DOP1A: variants seen among roughly 807,000 people sequenced by gnomAD.
The protein encoded by DOP1A is protein DOP1A.
A neutral mutation model predicts 267.6 loss-of-function variants in DOP1A; 90 were observed. The observed-to-expected ratio is 0.34, with a 90% confidence interval of 0.28 to 0.40. The LOEUF (loss-of-function observed/expected upper bound fraction) is 0.40. DOP1A is among the 10% of genes least tolerant of loss of function. DOP1A has a pLI of 1.00. For missense variants in DOP1A, 2,437 were observed against 2,900.4 expected (o/e 0.84, Z 3.67); for synonymous variants, 932 against 999.1 (o/e 0.93, Z 1.27).
At chr6:83,102,956 C>T (rs1309004098) in intron 4 of DOP1A, among the ~76,000 whole-genome samples, 1 of 152,144 alleles carries the variant, frequency 6.6e-6, no homozygotes, top group Non-Finnish European at 1.5e-5. Flanking sequence ...ATTCTCTTGC[C>T]CTGTAACTCT....
Position 83,166,558 on chromosome 6 carries a change from CA to C in DOP1A, c.7093-1295del, listed in dbSNP as rs368890859. ...AATATAAACAGCAATAAGTCATTAGCAAAAAAAAAGTGAGAAATATGCTTAA... is the reference window on the plus strand; with the variant it reads ...AATATAAACAGCAATAAGTCATTAGCAAAAAAAAGTGAGAAATATGCTTAA... On this transcript the variant is annotated intron_variant, in intron 38 of 38. Coordinates refer to ENST00000349129, the MANE Select transcript of DOP1A (RefSeq NM_015018.4). The C allele has an allele frequency of 0.017, 9,967 of 575,702 alleles. 327 individuals are homozygous for C. Among genetic ancestry groups the C allele is most frequent in the African/African-American group, 0.081 (4,260 of 52,592 alleles). 35.7% of individuals were successfully genotyped at this position (575,702 alleles called of 1,614,324 possible). A position where few individuals can be genotyped will look rare whatever the true frequency, so the allele number is the denominator to read the frequency against.
rs138786799 is a variant in DOP1A at position 83,167,930 on chromosome 6, C to T, written c.7161C>T (p.Ile2387=). ...AGCCAGGGCACTTGCTGCTCACCATCTGCACCGTGCGCAGTATGGAGCAGC... is the reference window on the plus strand; with the variant it reads ...AGCCAGGGCACTTGCTGCTCACCATTTGCACCGTGCGCAGTATGGAGCAGC... ...GWEPGHLLLT[I]CTVRSMEQLL... The change falls in exon 39 of 39, where the codon ATC becomes ATT. Residue 2387 remains isoleucine (I), a synonymous_variant. Coordinates refer to ENST00000349129, the MANE Select transcript of DOP1A (RefSeq NM_015018.4). 11 of 1,614,088 alleles carry T rather than the reference C, an allele frequency of 6.8e-6. No homozygotes were observed. Among genetic ancestry groups the T allele is most frequent in the African/African-American group, 6.7e-5 (5 of 74,944 alleles).
At position 83,153,955 on chromosome 6, in the gene DOP1A, C is replaced by T; in HGVS notation, c.6301C>T (p.Gln2101Ter). 6.2e-7 allele frequency: 1 copy of T among 1,613,996 alleles called. No individual in the cohort carries two copies. Among genetic ancestry groups the T allele is most frequent in the African/African-American group, 1.3e-5 (1 of 75,006 alleles). Reference protein sequence around the residue: ...VQLLSSLSGYQYTRRAWKKEA... With the variant: ...VQLLSSLSGY ...GCTGCTCAGCAGTCTTAGTGGGTAT[C>T]AGTACACACGGAGAGCTTGGAAAAA... The change falls in exon 32 of 39, where the codon CAG (glutamine) becomes TAG (stop). Residue 2101 changes from glutamine (Q) to a stop codon, truncating the protein, a stop_gained. Transcript: ENST00000349129. LOFTEE classifies it high-confidence loss of function.
intron 3 of DOP1A, among the ~76,000 whole-genome samples, chr6:83,098,003 C>T (rs1227353752): frequency 6.6e-6 from 1 of 151,952 alleles, no homozygotes; most frequent in African/African-American, 2.4e-5. Context: ...AGGGATCCTC[C>T]CACCTCAGCC....
chr6:83,146,071 A>G (rs1467708416), intron 25 of DOP1A, among the ~76,000 whole-genome samples: 4 of 152,220 alleles, frequency 2.6e-5, no homozygotes, highest in Non-Finnish European at 4.4e-5. Context: ...AAATTTTGCT[A>G]TAACCTTAGT....
intron 9 of DOP1A, among the ~76,000 whole-genome samples, chr6:83,120,334 G>A (rs575273596): frequency 6.6e-6 from 1 of 151,978 alleles, no homozygotes; most frequent in Non-Finnish European, 1.5e-5. Context: ...GAAAATAATT[G>A]CCTAATAGCA....
intron 27 of DOP1A, 120 bp from the exon 28 acceptor site, chr6:83,151,473 T>A (rs1781662844): frequency 1.6e-6 from 1 of 642,760 alleles, no homozygotes; most frequent in Non-Finnish European, 2.6e-6. Flanking sequence ...GTATATATAT[T>A]AAATATTTAA....
chr6:83,113,083 G>A (rs899748473), intron 6 of DOP1A, among the ~76,000 whole-genome samples: 5 of 152,082 alleles, frequency 3.3e-5, no homozygotes, highest in Non-Finnish European at 7.4e-5. Flanking sequence ...ATATTCACTA[G>A]TAAAACTGGT....
intron 28 of DOP1A, 73 bp from the exon 29 acceptor site, chr6:83,151,810 A>G: frequency 2.0e-6 from 3 of 1,485,118 alleles, no homozygotes; most frequent in Non-Finnish European, 2.8e-6. Context: ...ATTATCAGAA[A>G]TATAAACTAC....
chr6:83,139,959 T>G, intron 21 of DOP1A, 41 bp from the exon 22 acceptor site: 2 of 1,359,440 alleles, frequency 1.5e-6, no homozygotes, highest in Non-Finnish European at 2.1e-6. Flanking sequence ...TGAACTATAC[T>G]ATCATAAAAC....
At position 83,153,517 on chromosome 6, in the gene DOP1A, G is replaced by T. The variant is rs764700212; in HGVS notation, c.6136G>T (p.Ala2046Ser). Residue 2046 changes from alanine (A) to serine (S), a missense_variant, in exon 31 of 39, where the codon GCT (alanine) becomes TCT (serine). Physicochemically the swap from Ala to Ser is moderately conservative, Grantham distance 99. Around this residue, in one of 9 missense-constraint regions of DOP1A, gnomAD observed 216 missense variants for 283.3 expected, o/e 0.76. Transcript: ENST00000349129. ...ATTTTTTATGTTTTCATAGGTTTTGGCTCATCTTTTGGATATGGTTTTCTA... is the reference window on the plus strand; with the variant it reads ...ATTTTTTATGTTTTCATAGGTTTTGTCTCATCTTTTGGATATGGTTTTCTA... ...HALTLLSEVL[A>S]HLLDMVFYSD... 1 of 1,595,246 alleles carries T rather than the reference G, an allele frequency of 6.3e-7. No homozygotes were observed. The highest frequency in any genetic ancestry group is 1.8e-5 in the Admixed American group (1 of 57,054).
chr6:83,164,635 T>G (rs764798109), intron 38 of DOP1A: 1 of 1,557,386 alleles, frequency 6.4e-7, no homozygotes, highest in Admixed American at 1.9e-5. Context: ...ACAAAGGCTG[T>G]GAGTTCTCCT....
chr6:83,103,125 T>G (rs947584283), intron 4 of DOP1A, among the ~76,000 whole-genome samples: 1 of 152,168 alleles, frequency 6.6e-6, no homozygotes, highest in African/African-American at 2.4e-5. Flanking sequence ...CCTGTTGGTA[T>G]TTGTTGGACT....
intron 16 of DOP1A, 29 bp from the exon 17 acceptor site, chr6:83,130,094 A>G (rs1235729325): frequency 6.2e-7 from 1 of 1,603,552 alleles, no homozygotes; most frequent in Non-Finnish European, 8.5e-7. Context: ...AGTATAATGA[A>G]CTCTGATTGC....
Position 83,140,353 on chromosome 6 carries a change from AC to A in DOP1A, c.5366del (p.Thr1789IlefsTer19). 6.2e-7 allele frequency: 1 copy of A among 1,612,956 alleles called. No individual in the cohort carries two copies. Among genetic ancestry groups the A allele is most frequent in the Non-Finnish European group, 8.5e-7 (1 of 1,179,774 alleles). On this transcript the variant is annotated frameshift_variant, in exon 23 of 39. Coordinates refer to ENST00000349129, the MANE Select transcript of DOP1A (RefSeq NM_015018.4). LOFTEE classifies it high-confidence loss of function. ...TCAAGCTGATTCTTCAGAAAAGATG[AC>A]TATTGCCGCATCCGCATCTCTTACC... ...LHQADSSEKM[T>X]IAASASLTTI...
chr6:83,171,345 A>G (rs1787070837), downstream of DOP1A: 1 of 152,166 alleles, frequency 6.6e-6, no homozygotes, highest in Non-Finnish European at 1.5e-5. Flanking sequence ...AAATCTCTTT[A>G]AAAAAGTGAT....
At chr6:83,115,427 A>G (rs1422602807) in intron 7 of DOP1A, among the ~76,000 whole-genome samples, 2 of 152,224 alleles carry the variant, frequency 1.3e-5, no homozygotes, top group African/African-American at 4.8e-5. Context: ...GTTTTTAAGA[A>G]TACAATACAT....
chr6:83,162,312 C>T (rs73749722), intron 37 of DOP1A, among the ~76,000 whole-genome samples: 2,823 of 152,114 alleles, frequency 0.019, 94 homozygotes, highest in African/African-American at 0.064. Flanking sequence ...GCAAAAAAAG[C>T]CCTTAGTTTT....
intron 26 of DOP1A, among the ~76,000 whole-genome samples, chr6:83,148,066 T>C (rs555209760): frequency 1.3e-5 from 2 of 152,272 alleles, no homozygotes; most frequent in East Asian, 3.9e-4. Context: ...CAGTTGTATT[T>C]TACTTTTGAG....
Sources: gnomAD v4.1 joint callset for allele counts (sites outside exome capture counted in the v4.1 genomes callset) on GRCh38, gnomAD v4.1.1 for gene constraint, gnomAD v4.1.1 regional missense constraint, MANE v1.5 for transcripts, NCBI Gene and HGNC (gene_info 2026-07-23, HGNC 2026-07-21) for gene names.